The following NOS1AP variants were observed in gnomAD, a reference collection of about 807,000 sequenced individuals.
The protein encoded by NOS1AP is carboxyl-terminal PDZ ligand of neuronal nitric oxide synthase protein.
NOS1AP carries 21 observed loss-of-function variants against 56.2 expected under a neutral mutation model. The ratio of observed to expected loss-of-function variants is 0.37; its 90% CI spans 0.26 to 0.54. NOS1AP has a LOEUF of 0.54. NOS1AP is among the 20% of genes least tolerant of loss of function. NOS1AP has a pLI of 0.84. For missense variants in NOS1AP, 522 were observed against 657.8 expected, an observed-to-expected ratio of 0.79 and a Z score of 2.26; for synonymous variants, 270 against 274.6, an observed-to-expected ratio of 0.98 and a Z score of 0.17.
intron 2 of NOS1AP, among the ~76,000 whole-genome samples, chr1:162,172,027 G>A (rs1279808187): frequency 6.6e-6 from 1 of 152,204 alleles, no homozygotes; most frequent in Non-Finnish European, 1.5e-5. Context: ...GATGCTTGAT[G>A]GTATTAGATG....
chr1:162,169,710 A>G (rs933946512), intron 2 of NOS1AP, among the ~76,000 whole-genome samples: 3 of 152,192 alleles, frequency 2.0e-5, no homozygotes, highest in Admixed American at 1.3e-4. Context: ...CATGAGGTCC[A>G]TCATGTCTCT....
At chr1:162,261,814 T>G (rs1654252157) in intron 2 of NOS1AP, among the ~76,000 whole-genome samples, 1 of 152,208 alleles carries the variant, frequency 6.6e-6, no homozygotes, top group African/African-American at 2.4e-5. Context: ...GCGATGGACA[T>G]AGTTCATTTG....
At chr1:162,211,978 A>G (rs560056658) in intron 2 of NOS1AP, among the ~76,000 whole-genome samples, 6 of 152,360 alleles carry the variant, frequency 3.9e-5, no homozygotes, top group Non-Finnish European at 5.9e-5. Flanking sequence ...GTTGGTATGA[A>G]GTCATAAGAC....
chr1:162,269,653 A>G (rs980058147), intron 2 of NOS1AP, among the ~76,000 whole-genome samples: 1 of 152,244 alleles, frequency 6.6e-6, no homozygotes, highest in African/African-American at 2.4e-5. Context: ...ACATATTGTT[A>G]TGGAACTCAG....
At chr1:162,323,767 G>C (rs568006144) in intron 4 of NOS1AP, among the ~76,000 whole-genome samples, 4 of 152,288 alleles carry the variant, frequency 2.6e-5, no homozygotes, top group African/African-American at 7.2e-5. Flanking sequence ...GAAAACTAAG[G>C]CTCAGAGTAT....
chr1:162,093,063 T>C (rs957134520), intron 1 of NOS1AP, among the ~76,000 whole-genome samples: 1 of 152,206 alleles, frequency 6.6e-6, no homozygotes, highest in Admixed American at 6.5e-5. Context: ...GGAAGTTAAG[T>C]CTTAGTGGCT....
chr1:162,114,031 G>A (rs1647822475), intron 1 of NOS1AP, among the ~76,000 whole-genome samples: 2 of 152,178 alleles, frequency 1.3e-5, no homozygotes, highest in African/African-American at 2.4e-5. Flanking sequence ...TTCCCGTGGT[G>A]GTGTGGTAAA....
chr1:162,280,096 T>C (rs1172234452), intron 2 of NOS1AP, among the ~76,000 whole-genome samples: 2 of 152,206 alleles, frequency 1.3e-5, no homozygotes, highest in African/African-American at 2.4e-5. Flanking sequence ...GGAGGATTGC[T>C]TGAGTCCAGG....
intron 2 of NOS1AP, among the ~76,000 whole-genome samples, chr1:162,169,781 G>A (rs1043338280): frequency 8.5e-5 from 13 of 152,264 alleles, no homozygotes; most frequent in African/African-American, 3.1e-4. Context: ...CTCAGCGGGC[G>A]GTCAGGGGCC....
At position 162,107,753 on chromosome 1, in the gene NOS1AP, AGCC is replaced by A. The variant is rs2102037418; in HGVS notation, c.105+37472_105+37474del. 2.0e-5 allele frequency among the ~76,000 whole-genome samples: 3 copies of A among 152,356 alleles called. No homozygotes were observed. The South Asian group carries it at 6.2e-4, about 32-fold the overall frequency. On this transcript the variant is annotated intron_variant, in intron 1 of 9. Coordinates refer to ENST00000361897, the MANE Select transcript of NOS1AP (RefSeq NM_014697.3). The stretch of plus-strand genomic sequence containing the variant: ...CACAGAGAGGAACAGACAGGAACTC[AGCC>A]AACTGGCTTTAAAACACAGGGATTT...
Position 162,081,774 on chromosome 1 carries a change from A to ATATTTTTTTTTT in NOS1AP, c.105+11493_105+11494insATTTTTTTTTTT. 1.8e-4 allele frequency among the ~76,000 whole-genome samples: 8 copies of ATATTTTTTTTTT among 44,054 alleles called. 1 individual carries two copies. Among genetic ancestry groups the ATATTTTTTTTTT allele is most frequent in the South Asian group, 7.5e-4 (1 of 1,336 alleles). The allele number at this position is 44,054 out of a possible 152,430, so 28.9% of individuals were successfully genotyped here. A position where few individuals can be genotyped will look rare whatever the true frequency, so the allele number is the denominator to read the frequency against. ...TCTATAGATATATATATATATATAT[A>ATATTTTTTTTTT]TTTTTTTTTTGTAGAGATGGGTTTT... On this transcript the variant is annotated intron_variant, in intron 1 of 9. Coordinates refer to ENST00000361897, the MANE Select transcript of NOS1AP (RefSeq NM_014697.3).
At chr1:162,312,221 T>C (rs1255183925) in intron 4 of NOS1AP, among the ~76,000 whole-genome samples, 1 of 142,980 alleles carries the variant, frequency 7.0e-6, no homozygotes, top group African/African-American at 2.7e-5. Context: ...TGTTCCTATT[T>C]CTCCACATCC....
intron 6 of NOS1AP, among the ~76,000 whole-genome samples, chr1:162,354,569 C>T (rs1657630844): frequency 6.6e-6 from 1 of 152,228 alleles, no homozygotes. Context: ...CTCTCCTCCT[C>T]CCCGTGCCAC....
At chr1:162,140,656 A>G (rs917884833) in intron 1 of NOS1AP, among the ~76,000 whole-genome samples, 3 of 152,206 alleles carry the variant, frequency 2.0e-5, no homozygotes, top group Non-Finnish European at 2.9e-5. Context: ...TCCTTTGGGT[A>G]TATAACCAGT....
chr1:162,121,003 C>T (rs1325659340), intron 1 of NOS1AP, among the ~76,000 whole-genome samples: 7 of 151,564 alleles, frequency 4.6e-5, no homozygotes, highest in Admixed American at 1.3e-4. Flanking sequence ...TCATGAGGAA[C>T]TCAGCTGGGT....
At position 162,192,282 on chromosome 1, in the gene NOS1AP, T is replaced by C. The variant is rs190384843; in HGVS notation, c.177+37806T>C. Among the ~76,000 whole-genome samples, 6 of 152,328 alleles carry C rather than the reference T, an allele frequency of 3.9e-5. No individual in the cohort carries two copies. In the East Asian group the frequency reaches 1.2e-3, roughly 29 times the overall value. On this transcript the variant is annotated intron_variant, in intron 2 of 9. Transcript: ENST00000361897. ...ACCTGACTGCCGTTTTCCAGGGTTT[T>C]TTCAAGAAGTGTCTTAGACTCTAGT...
intron 4 of NOS1AP, chr1:162,317,397 T>C (rs1656266228): frequency 6.6e-6 from 1 of 152,170 alleles, no homozygotes; most frequent in African/African-American, 2.4e-5. Flanking sequence ...CCAAAGTTTT[T>C]TGTATGTGTA....
intron 2 of NOS1AP, among the ~76,000 whole-genome samples, chr1:162,160,096 C>T (rs533647217): frequency 2.6e-5 from 4 of 152,280 alleles, no homozygotes; most frequent in Non-Finnish European, 4.4e-5. Context: ...GAGGGATATG[C>T]GCTGTAGCTA....
At chr1:162,224,306 C>G (rs1443454986) in intron 2 of NOS1AP, among the ~76,000 whole-genome samples, 1 of 152,034 alleles carries the variant, frequency 6.6e-6, no homozygotes, top group Non-Finnish European at 1.5e-5. Flanking sequence ...TTATTTTTTC[C>G]AGGATTGAAA....
Sources: allele counts gnomAD v4.1 joint callset (sites outside exome capture counted in the v4.1 genomes callset), GRCh38; gene constraint gnomAD v4.1.1; transcripts MANE v1.5; gene names NCBI Gene and HGNC (gene_info 2026-07-23, HGNC 2026-07-21).